Variants in TMEM163 observed in about 807,000 individuals in gnomAD.
TMEM163 encodes the protein transmembrane protein 163.
A neutral mutation model predicts 29.3 loss-of-function variants in TMEM163; 17 were observed. The observed-to-expected ratio is 0.58, with a 90% CI of 0.40 to 0.87. The LOEUF is 0.87. Ranked by LOEUF, TMEM163 falls within the 40% of genes least tolerant of loss-of-function variation. The probability of loss-of-function intolerance (pLI) is 0.00; values close to 1 mark genes in which losing one functional copy is unlikely to be tolerated. For missense variants in TMEM163, 303 were observed against 381.5 expected (o/e 0.79, Z 1.71); for synonymous variants, 157 against 160.6 (o/e 0.98, Z 0.17).
chr2:134,679,836 G>A (rs1474494674), intron 2 of TMEM163, among the ~76,000 whole-genome samples: 1 of 152,170 alleles, frequency 6.6e-6, no homozygotes, highest in African/African-American at 2.4e-5. Flanking sequence ...TTATGGGGAA[G>A]TGATGAGCTC....
intron 2 of TMEM163, among the ~76,000 whole-genome samples, chr2:134,596,454 T>C (rs1232646793): frequency 6.6e-6 from 1 of 152,226 alleles, no homozygotes; most frequent in East Asian, 1.9e-4. Flanking sequence ...AGGGCTCTGT[T>C]CTGTTCCATT....
chr2:134,588,172 G>A (rs1015742742), intron 2 of TMEM163, among the ~76,000 whole-genome samples: 7 of 152,190 alleles, frequency 4.6e-5, no homozygotes, highest in African/African-American at 1.4e-4. Context: ...CCCACTCCTG[G>A]TAGAGCTGTG....
intron 2 of TMEM163, among the ~76,000 whole-genome samples, chr2:134,632,426 C>T (rs1282425101): frequency 6.6e-6 from 1 of 152,234 alleles, no homozygotes; most frequent in South Asian, 2.1e-4. Flanking sequence ...GACTGCAGTG[C>T]CATCACTGAC....
chr2:134,493,660 C>T (rs1306799329), intron 5 of TMEM163, among the ~76,000 whole-genome samples: 4 of 152,200 alleles, frequency 2.6e-5, no homozygotes, highest in African/African-American at 4.8e-5. Flanking sequence ...GCGTGAGCCA[C>T]TGCGCCCAGC....
intron 2 of TMEM163, among the ~76,000 whole-genome samples, chr2:134,612,987 T>C (rs1235758999): frequency 1.3e-5 from 2 of 152,102 alleles, no homozygotes; most frequent in Non-Finnish European, 2.9e-5. Context: ...TATAAATGTG[T>C]CAAAGAACTA....
intron 2 of TMEM163, among the ~76,000 whole-genome samples, chr2:134,573,326 T>C (rs1681475838): frequency 1.3e-5 from 2 of 152,210 alleles, no homozygotes; most frequent in African/African-American, 2.4e-5. Flanking sequence ...AGCTGATGGA[T>C]AGAAGGGGCT....
chr2:134,671,896 C>T (rs1305370009), intron 2 of TMEM163, among the ~76,000 whole-genome samples: 1 of 152,182 alleles, frequency 6.6e-6, no homozygotes, highest in African/African-American at 2.4e-5. Context: ...ATAAAAGCAA[C>T]TCTTATAGGG....
chr2:134,625,739 C>T (rs188104500), intron 2 of TMEM163, among the ~76,000 whole-genome samples: 155 of 152,286 alleles, frequency 1.0e-3, no homozygotes, highest in African/African-American at 3.0e-3. Context: ...AAAGGGACTA[C>T]GACACAGGAC....
At chr2:134,623,162 T>C (rs1044026044) in intron 2 of TMEM163, among the ~76,000 whole-genome samples, 1 of 152,222 alleles carries the variant, frequency 6.6e-6, no homozygotes, top group Non-Finnish European at 1.5e-5. Context: ...TAAAGGTTTC[T>C]GATGGTGGTG....
chr2:134,459,627 C>G (rs368579495), intron 6 of TMEM163, among the ~76,000 whole-genome samples: 12 of 152,094 alleles, frequency 7.9e-5, no homozygotes, highest in Admixed American at 2.6e-4. Context: ...CTCACACCCC[C>G]CTTCTGCCCG....
At chr2:134,687,791 G>C (rs542243463) in intron 2 of TMEM163, among the ~76,000 whole-genome samples, 5 of 152,308 alleles carry the variant, frequency 3.3e-5, no homozygotes, top group African/African-American at 1.2e-4. Context: ...ATAATGTAAT[G>C]TTTAACTCTA....
rs1558933201 is a variant in TMEM163 at position 134,524,328 on chromosome 2, G to GCCTCGCCAACATCTGTTGTTTCTTGAC, written c.459-21332_459-21331insGTCAAGAAACAACAGATGTTGGCGAGG. Among the ~76,000 whole-genome samples, 8 of 149,746 alleles carry GCCTCGCCAACATCTGTTGTTTCTTGAC rather than the reference G, an allele frequency of 5.3e-5. No individual in the cohort carries two copies. The South Asian group carries it at 6.7e-4, about 12-fold the overall frequency. On this transcript the variant is annotated intron_variant, in intron 4 of 7. Coordinates refer to ENST00000281924, the MANE Select transcript of TMEM163 (RefSeq NM_030923.5). Reference sequence around the variant, plus strand: ...GCCTAGGGGAAATGCAAGAGTTTTTGTTTTTTAATATCGATAACATTTAAT... The same window carrying GCCTCGCCAACATCTGTTGTTTCTTGAC: ...GCCTAGGGGAAATGCAAGAGTTTTTGCCTCGCCAACATCTGTTGTTTCTTGACTTTTTTAATATCGATAACATTTAAT...
At position 134,686,488 on chromosome 2, in the gene TMEM163, T is replaced by C. The variant is rs568598932; in HGVS notation, c.322+26712A>G. Reference sequence around the variant, plus strand: ...CTCGTGAGTTGTGTTTTCTGTATTATAGAGCTGTCAAAAAGCAAGGGACTA... The same window carrying C: ...CTCGTGAGTTGTGTTTTCTGTATTACAGAGCTGTCAAAAAGCAAGGGACTA... On this transcript the variant is annotated intron_variant, in intron 2 of 7. Transcript: ENST00000281924. Among the ~76,000 whole-genome samples the C allele has an allele frequency of 7.2e-5, 11 of 152,224 alleles. No individual in the cohort carries two copies. The South Asian group carries it at 1.9e-3, about 26-fold the overall frequency.
chr2:134,606,970 G>A, intron 2 of TMEM163, among the ~76,000 whole-genome samples: 1 of 146,268 alleles, frequency 6.8e-6, no homozygotes. Flanking sequence ...CTGTACTGGT[G>A]AAAAGGAGGA....
At chr2:134,514,868 C>G (rs1680024185) in intron 4 of TMEM163, among the ~76,000 whole-genome samples, 1 of 152,200 alleles carries the variant, frequency 6.6e-6, no homozygotes, top group South Asian at 2.1e-4. Context: ...GGCCTCATTT[C>G]TGCCCAGTGG....
At chr2:134,560,527 A>AGCC (rs1681144678) in intron 2 of TMEM163, among the ~76,000 whole-genome samples, 1 of 152,168 alleles carries the variant, frequency 6.6e-6, no homozygotes, top group Non-Finnish European at 1.5e-5. Flanking sequence ...GAGCAAATGA[A>AGCC]GCCGCAGCTG....
At chr2:134,479,835 G>A (rs1358777231) in intron 5 of TMEM163, among the ~76,000 whole-genome samples, 2 of 152,186 alleles carry the variant, frequency 1.3e-5, no homozygotes, top group African/African-American at 2.4e-5. Flanking sequence ...CCACCCTGCT[G>A]CTTCCACTTC....
chr2:134,456,699 G>A lies in TMEM163; in HGVS notation c.*17C>T. The A allele has an allele frequency of 6.2e-7, 1 of 1,613,880 alleles. No individual in the cohort carries two copies. Among genetic ancestry groups the A allele is most frequent in the Non-Finnish European group, 8.5e-7 (1 of 1,179,936 alleles). ...AAACTCCTCATCTCGATGGTCTCAT[G>A]CGGATGCTGGCCCCCTTCACTCAAA... On this transcript the variant is annotated 3_prime_UTR_variant, in exon 8 of 8. Transcript: ENST00000281924.
chr2:134,552,267 GA>G, intron 2 of TMEM163, among the ~76,000 whole-genome samples, 176 bp from the exon 3 acceptor site: 1 of 152,266 alleles, frequency 6.6e-6, no homozygotes, highest in East Asian at 1.9e-4. Flanking sequence ...GAACTGAAAA[GA>G]TTCCCAGACT....
Sources: allele counts gnomAD v4.1 joint callset (sites outside exome capture counted in the v4.1 genomes callset), GRCh38; gene constraint gnomAD v4.1.1; transcripts MANE v1.5; gene names NCBI Gene and HGNC (gene_info 2026-07-23, HGNC 2026-07-21).